SGCD: variants seen among roughly 807,000 people sequenced by gnomAD.
SGCD encodes the protein sarcoglycan delta, also known as delta-sarcoglycan.
A neutral mutation model predicts 36.6 loss-of-function variants in SGCD; 18 were observed. That is an observed-to-expected ratio of 0.49 (90% CI 0.34 to 0.73). The LOEUF (loss-of-function observed/expected upper bound fraction) is 0.73, where lower values mean the gene tolerates loss of function less well. Among genes scored for constraint, SGCD ranks in the 30% least tolerant of loss-of-function variants. SGCD has a pLI of 0.01. For synonymous variants in SGCD, 133 were observed against 130.6 expected, an observed-to-expected ratio of 1.02 and a Z score of -0.12; for missense variants, 387 against 346.7, an observed-to-expected ratio of 1.12 and a Z score of -0.92.
At chr5:156,443,737 C>G (rs140099898) in intron 3 of SGCD, among the ~76,000 whole-genome samples, 2 of 152,160 alleles carry the variant, frequency 1.3e-5, no homozygotes, top group African/African-American at 4.8e-5. Context: ...TTCAATTCCT[C>G]TGCTGTAAAA....
the SGCD span, among the ~76,000 whole-genome samples, chr5:155,859,889 G>GTGA: frequency 6.6e-6 from 1 of 152,188 alleles, no homozygotes; most frequent in African/African-American, 2.4e-5. Context: ...CCAAATCCAG[G>GTGA]TGATAGTCAC....
At chr5:156,036,668 T>C (rs1759505699) in intron 1 of SGCD, among the ~76,000 whole-genome samples, 1 of 152,200 alleles carries the variant, frequency 6.6e-6, no homozygotes, top group African/African-American at 2.4e-5. Context: ...GGGTTATTTA[T>C]TCCCTTCCTC....
At chr5:156,576,560 A>G (rs1162563526) in intron 4 of SGCD, among the ~76,000 whole-genome samples, 4 of 152,250 alleles carry the variant, frequency 2.6e-5, no homozygotes, top group South Asian at 2.1e-4. Context: ...AAGCGTTCCT[A>G]TTTCTCCACA....
At chr5:156,264,186 A>G (rs958631873) in intron 3 of SGCD, among the ~76,000 whole-genome samples, 2 of 152,148 alleles carry the variant, frequency 1.3e-5, no homozygotes, top group African/African-American at 4.8e-5. Context: ...AGATAATAGC[A>G]AAGAATTTTC....
intron 1 of SGCD, among the ~76,000 whole-genome samples, chr5:156,032,947 C>T (rs1759387167): frequency 6.6e-6 from 1 of 151,672 alleles, no homozygotes; most frequent in Non-Finnish European, 1.5e-5. Context: ...TATAGTGGCA[C>T]ACACCTGTGA....
chr5:156,595,175 A>T, intron 6 of SGCD, 124 bp downstream of exon 6: 1 of 1,153,852 alleles, frequency 8.7e-7, no homozygotes, highest in Non-Finnish European at 1.2e-6. Context: ...CTAACTCCCA[A>T]GATAATGGTA....
chr5:156,048,445 T>C (rs1759828568), intron 1 of SGCD, among the ~76,000 whole-genome samples: 1 of 152,174 alleles, frequency 6.6e-6, no homozygotes, highest in Non-Finnish European at 1.5e-5. Context: ...ACCAACAGTG[T>C]CAAAGTGTTC....
At chr5:155,807,531 C>T in the SGCD span, among the ~76,000 whole-genome samples, 2 of 152,230 alleles carry the variant, frequency 1.3e-5, no homozygotes, top group Non-Finnish European at 2.9e-5. Flanking sequence ...GCCAACCTGG[C>T]AGTGAATGAT....
In SGCD at chr5:156,029,848, G is replaced by C. The variant is rs78572134; in HGVS notation, c.-281-88030G>C. On this transcript the variant is annotated intron_variant, in intron 1 of 9. Transcript: ENST00000517913. ...AAAAAATTTGTATTGACAATATTTC[G>C]TTCATACAGCTTCGCTACTTGGAAA... 9.6e-3 allele frequency among the ~76,000 whole-genome samples: 1,452 copies of C among 151,542 alleles called. 20 individuals carry two copies. The highest frequency in any genetic ancestry group is 0.033 in the African/African-American group (1,368 of 41,294).
chr5:156,565,415 C>T (rs902339784), intron 4 of SGCD, among the ~76,000 whole-genome samples: 2 of 152,134 alleles, frequency 1.3e-5, no homozygotes, highest in Non-Finnish European at 2.9e-5. Context: ...CAACTCATAT[C>T]ATAGACCTGT....
chr5:156,217,322 T>C (rs1764601345), intron 3 of SGCD, among the ~76,000 whole-genome samples: 1 of 152,208 alleles, frequency 6.6e-6, no homozygotes, highest in Admixed American at 6.5e-5. Context: ...TAGTGAAACG[T>C]ATTTTTGTTT....
chr5:156,554,451 C>T (rs1219519962), intron 4 of SGCD, among the ~76,000 whole-genome samples: 1 of 150,284 alleles, frequency 6.7e-6, no homozygotes. Context: ...TATTGCTGTT[C>T]ATGTGTTACT....
chr5:156,359,266 T>A (rs1406383875), intron 3 of SGCD, among the ~76,000 whole-genome samples: 1 of 152,208 alleles, frequency 6.6e-6, no homozygotes, highest in African/African-American at 2.4e-5. Context: ...GCTTTCTTCA[T>A]TGGCACAAAA....
chr5:156,610,136 T>G (rs1554121723), intron 6 of SGCD, among the ~76,000 whole-genome samples: 1 of 138,662 alleles, frequency 7.2e-6, no homozygotes, highest in Non-Finnish European at 1.5e-5. Context: ...TTTTAGAGTT[T>G]CCGGTTTTTC....
intron 3 of SGCD, among the ~76,000 whole-genome samples, chr5:156,265,237 A>G (rs998724243): frequency 6.6e-6 from 1 of 152,076 alleles, no homozygotes; most frequent in Non-Finnish European, 1.5e-5. Context: ...TAAAGCTTAT[A>G]CTCTGAATAG....
the SGCD span, among the ~76,000 whole-genome samples, chr5:155,741,535 T>C: frequency 6.6e-6 from 1 of 152,108 alleles, no homozygotes; most frequent in Non-Finnish European, 1.5e-5. Context: ...AAGAATCTAT[T>C]TGGTTACTCT....
At chr5:155,997,456 G>A (rs1249000599) in intron 1 of SGCD, among the ~76,000 whole-genome samples, 1 of 152,222 alleles carries the variant, frequency 6.6e-6, no homozygotes, top group Non-Finnish European at 1.5e-5. Flanking sequence ...TCATAAGCCT[G>A]CCTGGGGACA....
intron 1 of SGCD, among the ~76,000 whole-genome samples, chr5:156,043,220 G>A (rs1402302234): frequency 6.6e-6 from 1 of 152,132 alleles, no homozygotes; most frequent in Admixed American, 6.5e-5. Flanking sequence ...AGCTTCCCAT[G>A]TTGCTAAATG....
At chr5:156,707,582 TTATGAAAACTAGTCTGTA>T (rs1256451089) in intron 7 of SGCD, among the ~76,000 whole-genome samples, 11 of 152,198 alleles carry the variant, frequency 7.2e-5, no homozygotes, top group African/African-American at 2.7e-4. Context: ...TGTTCCTTGT[TTATGAAAACTAGTCTGTA>T]TATTTTTAAT....
Sources: gnomAD v4.1 joint callset for allele counts (sites outside exome capture counted in the v4.1 genomes callset) on GRCh38, gnomAD v4.1.1 for gene constraint, MANE v1.5 for transcripts, NCBI Gene and HGNC (gene_info 2026-07-23, HGNC 2026-07-21) for gene names.